Variants in WDR41 observed in about 807,000 individuals in gnomAD.
WDR41 encodes the protein WD repeat domain 41, also known as WD repeat-containing protein 41.
WDR41 carries 63 observed loss-of-function variants against 69.3 expected under a neutral mutation model. That is an observed-to-expected ratio of 0.91 (90% CI 0.74 to 1.12). WDR41 has a LOEUF of 1.12. Ranked by LOEUF, WDR41 falls within the 50% of genes most tolerant of loss-of-function variation. The pLI is 0.00. For missense variants in WDR41, 543 were observed against 534.5 expected (o/e 1.02, Z -0.16); for synonymous variants, 185 against 192.1 (o/e 0.96, Z 0.31).
chr5:77,532,523 T>C (rs1051442956), intron 1 of WDR41, among the ~76,000 whole-genome samples: 1 of 152,086 alleles, frequency 6.6e-6, no homozygotes, highest in Non-Finnish European at 1.5e-5. Context: ...ACTCTACTTA[T>C]AATATCTAAA....
chr5:77,587,109 G>A (rs2112301428), intron 1 of WDR41, among the ~76,000 whole-genome samples: 1 of 126,994 alleles, frequency 7.9e-6, no homozygotes, highest in East Asian at 2.4e-4. Context: ...CTTCTCTCTT[G>A]CCCCTTCTCA....
At chr5:77,531,763 TCA>T (rs1202745163) in intron 1 of WDR41, among the ~76,000 whole-genome samples, 1 of 152,032 alleles carries the variant, frequency 6.6e-6, no homozygotes, top group Non-Finnish European at 1.5e-5. Context: ...AATGTATTGT[TCA>T]GTCATAAAAA....
intron 2 of WDR41, among the ~76,000 whole-genome samples, chr5:77,479,771 T>A (rs1024385688): frequency 2.0e-5 from 3 of 152,132 alleles, no homozygotes; most frequent in Non-Finnish European, 4.4e-5. Flanking sequence ...GGGCAAGGAC[T>A]TCATGTCTAA....
chr5:77,605,096 C>T (rs1200142127), intron 1 of WDR41, among the ~76,000 whole-genome samples: 1 of 152,160 alleles, frequency 6.6e-6, no homozygotes, highest in Non-Finnish European at 1.5e-5. Flanking sequence ...CCATTCTACC[C>T]TCTCCAAATT....
chr5:77,473,084 C>G (rs1800708818), intron 2 of WDR41, among the ~76,000 whole-genome samples: 1 of 151,908 alleles, frequency 6.6e-6, no homozygotes, highest in East Asian at 1.9e-4. Context: ...GATACTGGTA[C>G]CAAAAACAGA....
chr5:77,490,592 C>CAA (rs34282863), intron 1 of WDR41, among the ~76,000 whole-genome samples: 42 of 149,894 alleles, frequency 2.8e-4, no homozygotes, highest in Non-Finnish European at 4.9e-4. Context: ...AAATGTTTTC[C>CAA]AAAAAAAAAA....
At chr5:77,480,883 T>C (rs968497341) in intron 2 of WDR41, among the ~76,000 whole-genome samples, 1 of 152,004 alleles carries the variant, frequency 6.6e-6, no homozygotes, top group Admixed American at 6.6e-5. Flanking sequence ...GTGACTTCTA[T>C]TAGGTGAACC....
intron 1 of WDR41, among the ~76,000 whole-genome samples, chr5:77,607,109 A>G (rs1048358174): frequency 6.6e-6 from 1 of 152,132 alleles, no homozygotes; most frequent in Non-Finnish European, 1.5e-5. Context: ...TGAGCAAAAA[A>G]CAATAAGGCT....
At chr5:77,526,623 A>G (rs1396016482) in intron 1 of WDR41, among the ~76,000 whole-genome samples, 1 of 152,092 alleles carries the variant, frequency 6.6e-6, no homozygotes, top group Non-Finnish European at 1.5e-5. Context: ...TATATTTTTA[A>G]CACTTCAATG....
Position 77,463,168 on chromosome 5 carries a change from G to T in WDR41, c.275C>A (p.Thr92Lys), listed in dbSNP as rs1405139223. ...TTCACAAGATTCCAAGGAAGGAAATGTAATAATAGCTGTTATCTTTTGAGT... is the reference window on the plus strand; with the variant it reads ...TTCACAAGATTCCAAGGAAGGAAATTTAATAATAGCTGTTATCTTTTGAGT... ...GHTQKITAII[T>K]FPSLESCEEK... The change falls in exon 4 of 13, where the codon ACA becomes AAA. Residue 92 changes from threonine (T) to lysine (K), a missense_variant. Transcript: ENST00000296679. The T allele has an allele frequency of 6.2e-7, 1 of 1,612,734 alleles. No individual in the cohort carries two copies. The highest frequency in any genetic ancestry group is 1.1e-5 in the South Asian group (1 of 90,968).
At chr5:77,472,533 T>C (rs1800674140) in intron 2 of WDR41, among the ~76,000 whole-genome samples, 1 of 152,030 alleles carries the variant, frequency 6.6e-6, no homozygotes, top group Non-Finnish European at 1.5e-5. Context: ...CCCCATTGTC[T>C]CAGCCCAAAA....
intron 2 of WDR41, among the ~76,000 whole-genome samples, chr5:77,475,327 GGCCT>G (rs1193171523): frequency 6.6e-6 from 1 of 152,198 alleles, no homozygotes; most frequent in South Asian, 2.1e-4. Flanking sequence ...AGCTCAAGGA[GGCCT>G]GCCTGCCTGC....
intron 1 of WDR41, among the ~76,000 whole-genome samples, chr5:77,599,917 G>A (rs986731499): frequency 1.3e-5 from 2 of 152,170 alleles, no homozygotes; most frequent in East Asian, 3.8e-4. Flanking sequence ...GCACTGGAGA[G>A]GAAAGATAAC....
At chr5:77,437,714 C>A (rs1174648802) in intron 10 of WDR41, among the ~76,000 whole-genome samples, 3 of 152,154 alleles carry the variant, frequency 2.0e-5, no homozygotes, top group African/African-American at 7.2e-5. Flanking sequence ...TCCTAAGCAG[C>A]CCCCTTCCCT....
chr5:77,457,258 T>C (rs572179150), intron 5 of WDR41, among the ~76,000 whole-genome samples: 1 of 152,316 alleles, frequency 6.6e-6, no homozygotes, highest in Non-Finnish European at 1.5e-5. Context: ...TCTCACTTAG[T>C]CATGGTGTAT....
chr5:77,477,986 A>G (rs1801029378), intron 2 of WDR41, among the ~76,000 whole-genome samples: 1 of 151,910 alleles, frequency 6.6e-6, no homozygotes, highest in Non-Finnish European at 1.5e-5. Flanking sequence ...AAAATGATAA[A>G]GGGGATATCA....
chr5:77,522,976 G>T (rs984621271), intron 1 of WDR41, among the ~76,000 whole-genome samples: 1 of 152,090 alleles, frequency 6.6e-6, no homozygotes, highest in African/African-American at 2.4e-5. Context: ...AGTCACCAAA[G>T]AAAAGGAAAA....
intron 1 of WDR41, among the ~76,000 whole-genome samples, chr5:77,532,869 G>A (rs1285130656): frequency 6.6e-6 from 1 of 152,092 alleles, no homozygotes; most frequent in African/African-American, 2.4e-5. Flanking sequence ...GGAGAAAGGA[G>A]GGGATTATGA....
At chr5:77,492,540 C>G (rs546925815), upstream of WDR41, 5 of 341,528 alleles carry the variant, frequency 1.5e-5, no homozygotes, top group African/African-American at 8.6e-5. Flanking sequence ...GGGTAGCGCA[C>G]GGAGCTTAGG....
Sources: gnomAD v4.1 joint callset for allele counts (sites outside exome capture counted in the v4.1 genomes callset) on GRCh38, gnomAD v4.1.1 for gene constraint, MANE v1.5 for transcripts, NCBI Gene and HGNC (gene_info 2026-07-23, HGNC 2026-07-21) for gene names.